SDK1: variants seen among roughly 807,000 people sequenced by gnomAD.
The protein encoded by SDK1 is sidekick cell adhesion molecule 1.
A neutral mutation model predicts 245.5 loss-of-function variants in SDK1; 157 were observed. That is an observed-to-expected ratio of 0.64 (90% CI 0.56 to 0.73). The LOEUF (loss-of-function observed/expected upper bound fraction) is 0.73. Among genes scored for constraint, SDK1 ranks in the 30% least tolerant of loss-of-function variants. The pLI is 0.00. For missense variants in SDK1, 3,583 were observed against 3,002.3 expected (o/e 1.19, Z -4.52); for synonymous variants, 1,647 against 1,278.5 (o/e 1.29, Z -6.15).
chr7:4,091,340 T>C (rs1372569548), intron 22 of SDK1, among the ~76,000 whole-genome samples: 12 of 140,900 alleles, frequency 8.5e-5, no homozygotes, highest in East Asian at 4.0e-4. Flanking sequence ...TTTTCTTTTT[T>C]TTTTTTTTTT....
intron 1 of SDK1, among the ~76,000 whole-genome samples, chr7:3,501,120 G>A (rs149856033): frequency 6.6e-6 from 1 of 152,254 alleles, no homozygotes; most frequent in Non-Finnish European, 1.5e-5. Flanking sequence ...CTAAAACATT[G>A]AAAGTCTTGA....
chr7:3,623,560 T>C (rs1782013876), intron 2 of SDK1, among the ~76,000 whole-genome samples: 1 of 152,140 alleles, frequency 6.6e-6, no homozygotes, highest in Non-Finnish European at 1.5e-5. Context: ...ACATTTCATA[T>C]TGATGCTCAT....
chr7:3,337,577 T>A lies in SDK1; in HGVS notation c.298+35693T>A, dbSNP rs1262696756. On this transcript the variant is annotated intron_variant, in intron 1 of 44. Coordinates refer to ENST00000404826, the MANE Select transcript of SDK1 (RefSeq NM_152744.4). ...CCCAGACAGGATCAACCCAAAGGAA[T>A]CTGTGCCAAGACACATCCTGATTAA... Among the ~76,000 whole-genome samples, 2 of 152,162 alleles carry A rather than the reference T, an allele frequency of 1.3e-5. 1 individual carries two copies. The highest frequency in any genetic ancestry group is 1.3e-4 in the Admixed American group (2 of 15,270).
At chr7:4,136,172 A>G (rs756700087) in intron 28 of SDK1, among the ~76,000 whole-genome samples, 3 of 152,172 alleles carry the variant, frequency 2.0e-5, no homozygotes, top group South Asian at 2.1e-4. Flanking sequence ...GAGGCAGACA[A>G]CGTCACTGCC....
At chr7:4,015,189 C>G (rs1562671668) in intron 16 of SDK1, among the ~76,000 whole-genome samples, 1 of 152,156 alleles carries the variant, frequency 6.6e-6, no homozygotes. Flanking sequence ...GAGGTGGAAA[C>G]CAAGGCTCAG....
At chr7:3,948,926 A>T (rs2068368) in intron 5 of SDK1, among the ~76,000 whole-genome samples, 49,437 of 152,008 alleles carry the variant, frequency 0.33, 8,250 homozygotes, top group Middle Eastern at 0.44. Flanking sequence ...CCTTCACTTC[A>T]CATAACTATT....
intron 40 of SDK1, among the ~76,000 whole-genome samples, chr7:4,225,017 A>T (rs5882015): frequency 6.5e-5 from 8 of 123,982 alleles, no homozygotes; most frequent in Non-Finnish European, 1.4e-4. Flanking sequence ...AAAAAAAAAA[A>T]GACACCCGCA....
chr7:3,306,312 T>A (rs1342319651), intron 1 of SDK1, among the ~76,000 whole-genome samples: 1 of 152,220 alleles, frequency 6.6e-6, no homozygotes, highest in Non-Finnish European at 1.5e-5. Context: ...CATTTTGATG[T>A]ATTCCCCTAC....
At chr7:4,224,233 T>C (rs1228975720) in intron 40 of SDK1, among the ~76,000 whole-genome samples, 1 of 152,194 alleles carries the variant, frequency 6.6e-6, no homozygotes. Flanking sequence ...AAAAAAAGTT[T>C]AGTTGGCTCA....
At position 4,210,208 on chromosome 7, in the gene SDK1, C is replaced by T. The variant is rs1185909879; in HGVS notation, c.5539+46C>T. On this transcript the variant is annotated intron_variant, in intron 38 of 44. Coordinates refer to ENST00000404826, the MANE Select transcript of SDK1 (RefSeq NM_152744.4). ...GATGGGAGCGCGGGCCACACCAGTG[C>T]CCAGCCCTCTGCAGTCTACACAGTG... 3 of 1,471,206 alleles carry T rather than the reference C, an allele frequency of 2.0e-6. No individual in the cohort carries two copies. The African/African-American group carries it at 4.3e-5, about 21-fold the overall frequency. The allele number at this position is 1,471,206 out of a possible 1,614,324, so 91.1% of individuals were successfully genotyped here. A position where few individuals can be genotyped will look rare whatever the true frequency, so the allele number is the denominator to read the frequency against.
chr7:4,109,128 G>A (rs549777532), intron 22 of SDK1, among the ~76,000 whole-genome samples: 1 of 152,290 alleles, frequency 6.6e-6, no homozygotes, highest in South Asian at 2.1e-4. Context: ...CTAGGAGCAT[G>A]TGCCTGCAGG....
chr7:4,073,269 G>A (rs758512806), intron 20 of SDK1, among the ~76,000 whole-genome samples: 1 of 152,150 alleles, frequency 6.6e-6, no homozygotes, highest in Non-Finnish European at 1.5e-5. Flanking sequence ...CATAAATTAG[G>A]GGACGTCTTT....
intron 5 of SDK1, among the ~76,000 whole-genome samples, chr7:3,855,237 A>C (rs964576090): frequency 1.3e-5 from 2 of 152,156 alleles, no homozygotes; most frequent in Non-Finnish European, 2.9e-5. Flanking sequence ...AATCTCAAAT[A>C]GAAAGATGAG....
At chr7:3,356,989 AG>A (rs1780814976) in intron 1 of SDK1, among the ~76,000 whole-genome samples, 1 of 140,606 alleles carries the variant, frequency 7.1e-6, no homozygotes, top group Non-Finnish European at 1.5e-5. Context: ...TGGGAGGCAG[AG>A]GTTGCAGTGA....
chr7:3,854,325 TATAA>T lies in SDK1; in HGVS notation c.847+32747_847+32750del, dbSNP rs1032072286. Among the ~76,000 whole-genome samples the T allele has an allele frequency of 3.9e-5, 6 of 152,280 alleles. No individual in the cohort carries two copies. In the East Asian group the frequency reaches 1.2e-3, roughly 29 times the overall value. ...AGACCTTAGATGCCTTATCTGAAAA[TATAA>T]ATAATTAATGTAACAATACATACCT... On this transcript the variant is annotated intron_variant, in intron 5 of 44. Transcript: ENST00000404826.
Position 4,267,707 on chromosome 7 carries a change from T to A in SDK1, c.*2323T>A, listed in dbSNP as rs1788554706. On this transcript the variant is annotated 3_prime_UTR_variant, in exon 45 of 45. Transcript: ENST00000404826. ...AGCAGATTCGAGATATGTTTGTTGC[T>A]CTCGGGTTTTCGATACAACATCATG... is the stretch of plus-strand genomic sequence containing the variant. 1 of 985,378 alleles carries A rather than the reference T, an allele frequency of 1.0e-6. No individual in the cohort carries two copies. The highest frequency in any genetic ancestry group is 1.2e-6 in the Non-Finnish European group (1 of 829,976). The allele number at this position is 985,378 out of a possible 1,614,324, so 61.0% of individuals were successfully genotyped here.
In SDK1 at chr7:4,113,367, C is replaced by T. The variant is rs1203474753; in HGVS notation, c.3513C>T (p.Ala1171=). Residue 1171 remains alanine, a synonymous_variant, in exon 24 of 45, where the codon GCC becomes GCT. Coordinates refer to ENST00000404826, the MANE Select transcript of SDK1 (RefSeq NM_152744.4). ...CCCGGGTCATCCAGACCCTGCAGGC[C>T]CCACCCGACGTGGCTCCAACCAGCG... ...PSSRVIQTLQ[A]PPDVAPTSVT... 6.2e-7 allele frequency: 1 copy of T among 1,613,938 alleles called. No individual in the cohort carries two copies. Among genetic ancestry groups the T allele is most frequent in the South Asian group, 1.1e-5 (1 of 91,088 alleles).
At chr7:4,031,239 G>A (rs1787798979) in intron 17 of SDK1, among the ~76,000 whole-genome samples, 1 of 152,268 alleles carries the variant, frequency 6.6e-6, no homozygotes, top group East Asian at 1.9e-4. Context: ...GCAGTTATCA[G>A]ATAAAATCGG....
chr7:3,986,180 G>A (rs540934649), intron 13 of SDK1, among the ~76,000 whole-genome samples: 2 of 147,586 alleles, frequency 1.4e-5, no homozygotes, highest in African/African-American at 2.5e-5. Flanking sequence ...TTTGTCACTG[G>A]TTAAGTCCCA....
Sources: allele counts gnomAD v4.1 joint callset (sites outside exome capture counted in the v4.1 genomes callset), GRCh38; gene constraint gnomAD v4.1.1; transcripts MANE v1.5; gene names NCBI Gene and HGNC (gene_info 2026-07-23, HGNC 2026-07-21).